The following NBAS variants were observed in gnomAD, a reference collection of about 807,000 sequenced individuals.
NBAS encodes NAG/BC035112 fusion.
A neutral mutation model predicts 302.5 loss-of-function variants in NBAS; 219 were observed. The ratio of observed to expected loss-of-function variants is 0.72; its 90% confidence interval spans 0.65 to 0.81. The LOEUF (loss-of-function observed/expected upper bound fraction) is 0.81. Ranked by LOEUF, NBAS falls within the 30% of genes least tolerant of loss-of-function variation. The pLI is 0.00. For synonymous variants in NBAS, 1,118 were observed against 1,021.6 expected (o/e 1.09, Z -1.80); for missense variants, 2,932 against 2,841.6 (o/e 1.03, Z -0.72).
the NBAS span, among the ~76,000 whole-genome samples, chr2:14,853,913 G>A: frequency 8.7e-6 from 1 of 114,944 alleles, no homozygotes; most frequent in African/African-American, 3.4e-5. Flanking sequence ...CACACTCTGG[G>A]GACTGTGGTG....
chr2:14,927,158 C>A, the NBAS span, among the ~76,000 whole-genome samples: 2 of 152,232 alleles, frequency 1.3e-5, no homozygotes, highest in Non-Finnish European at 2.9e-5. Flanking sequence ...TGGACAGCAA[C>A]CCTTTCCTGA....
At chr2:15,103,094 G>A in the NBAS span, among the ~76,000 whole-genome samples, 1 of 151,988 alleles carries the variant, frequency 6.6e-6, no homozygotes, top group Non-Finnish European at 1.5e-5. Context: ...TGCCTATCCA[G>A]CCAGTTAAGA....
intron 40 of NBAS, among the ~76,000 whole-genome samples, chr2:15,300,413 T>C (rs1670745796): frequency 6.6e-6 from 1 of 152,238 alleles, no homozygotes; most frequent in Non-Finnish European, 1.5e-5. Context: ...GCAGTGCTGT[T>C]TTATGCAGAG....
In NBAS at chr2:15,519,165, T is replaced by C. The variant is rs1229025195; in HGVS notation, c.747-7815A>G. Among the ~76,000 whole-genome samples, 4 of 152,312 alleles carry C rather than the reference T, an allele frequency of 2.6e-5. No individual in the cohort carries two copies. In the East Asian group the frequency reaches 7.7e-4, roughly 29 times the overall value. On this transcript the variant is annotated intron_variant, in intron 9 of 51. Coordinates refer to ENST00000281513, the MANE Select transcript of NBAS (RefSeq NM_015909.4). ...GAGACATTCCTTTCACCCATTAACA[T>C]TTACTAAACTGCATATAACCAATAA...
intron 21 of NBAS, among the ~76,000 whole-genome samples, chr2:15,439,513 A>T (rs1047819229): frequency 4.6e-5 from 7 of 152,094 alleles, no homozygotes; most frequent in African/African-American, 2.4e-5. Context: ...GGAGGAGCCA[A>T]GATGGCTGAA....
At chr2:15,166,435 A>G (rs775756797), downstream of NBAS, among the ~76,000 whole-genome samples, 5 of 152,192 alleles carry the variant, frequency 3.3e-5, no homozygotes, top group Non-Finnish European at 5.9e-5. Flanking sequence ...GTCATAATTC[A>G]TATACTGTGA....
At position 15,374,621 on chromosome 2, in the gene NBAS, G is replaced by GATCTTTA. The variant is rs867909116; in HGVS notation, c.3683_3689dup (p.Leu1231LysfsTer12). The GATCTTTA allele has an allele frequency of 1.9e-6, 3 of 1,613,430 alleles. No individual in the cohort carries two copies. In the African/African-American group the frequency reaches 4.0e-5, roughly 22 times the overall value. ...TAGAAAACTCACCTTGCAAAGGCAG[G>GATCTTTA]ATCTTTACCCCAAATTCTTCAAGAC... On this transcript the variant is annotated frameshift_variant, in exon 31 of 52. Transcript: ENST00000281513. LOFTEE classifies it high-confidence loss of function.
At chr2:15,530,274 G>A (rs931953049) in intron 9 of NBAS, among the ~76,000 whole-genome samples, 1 of 151,668 alleles carries the variant, frequency 6.6e-6, no homozygotes, top group Non-Finnish European at 1.5e-5. Flanking sequence ...AACACCCTGG[G>A]GCTCACTAAA....
chr2:14,850,161 A>T, the NBAS span, among the ~76,000 whole-genome samples: 1 of 135,010 alleles, frequency 7.4e-6, no homozygotes, highest in Non-Finnish European at 1.5e-5. Context: ...AAGACCCATC[A>T]GTGTGCTGTA....
In NBAS at chr2:15,417,640, T is replaced by G. The variant is rs574433313; in HGVS notation, c.2650A>C (p.Asn884His). ...NIPGLLVLCD[N>H]LVTLETLVYE... ...ACCAATGTTTCCAGAGTAACCAAAT[T>G]GTCACAGAGAACCAGCAAACCAGGA... Residue 884 changes from asparagine (N) to histidine (H), a missense_variant, in exon 24 of 52, where the codon AAT (asparagine) becomes CAT (histidine). Coordinates refer to ENST00000281513, the MANE Select transcript of NBAS (RefSeq NM_015909.4). 1 of 1,613,974 alleles carries G rather than the reference T, an allele frequency of 6.2e-7. No homozygotes were observed. Among genetic ancestry groups the G allele is most frequent in the Non-Finnish European group, 8.5e-7 (1 of 1,179,956 alleles).
At chr2:15,543,028 G>A (rs536113149) in intron 6 of NBAS, among the ~76,000 whole-genome samples, 18 of 152,298 alleles carry the variant, frequency 1.2e-4, no homozygotes, top group Non-Finnish European at 1.3e-4. Flanking sequence ...CCAGTTGCTC[G>A]TGTGGCTTGG....
chr2:15,073,491 A>T, the NBAS span, among the ~76,000 whole-genome samples: 11 of 144,564 alleles, frequency 7.6e-5, no homozygotes, highest in Non-Finnish European at 1.2e-4. Context: ...AAAAAAAAAA[A>T]TAAAAAATAA....
chr2:14,940,310 G>A, the NBAS span, among the ~76,000 whole-genome samples: 4 of 152,142 alleles, frequency 2.6e-5, no homozygotes, highest in African/African-American at 9.7e-5. Context: ...GAGTTCTCAT[G>A]AGATCTGTTT....
chr2:15,016,191 A>G, the NBAS span, among the ~76,000 whole-genome samples: 35 of 152,166 alleles, frequency 2.3e-4, no homozygotes, highest in African/African-American at 8.0e-4. Flanking sequence ...TGAAAGTCAC[A>G]TCTTACATGG....
intron 11 of NBAS, among the ~76,000 whole-genome samples, chr2:15,493,052 T>C (rs192761900): frequency 9.3e-4 from 141 of 152,310 alleles, no homozygotes; most frequent in African/African-American, 3.2e-3. Flanking sequence ...ATTTTCCCCA[T>C]GCTGTTCTCA....
chr2:14,950,560 TA>T, the NBAS span, among the ~76,000 whole-genome samples: 5 of 152,136 alleles, frequency 3.3e-5, no homozygotes, highest in African/African-American at 1.2e-4. Context: ...AAGAATGTTT[TA>T]AAAAACAAGA....
chr2:15,010,627 T>C, the NBAS span, among the ~76,000 whole-genome samples: 1 of 152,220 alleles, frequency 6.6e-6, no homozygotes, highest in Non-Finnish European at 1.5e-5. Flanking sequence ...AGTAACCATG[T>C]GAATCCCCAG....
At chr2:14,931,804 T>G in the NBAS span, among the ~76,000 whole-genome samples, 14 of 152,220 alleles carry the variant, frequency 9.2e-5, no homozygotes, top group African/African-American at 3.4e-4. Flanking sequence ...CCCTGACCCT[T>G]CCTTATACTC....
At position 15,344,127 on chromosome 2, in the gene NBAS, GA is replaced by G. The variant is rs79591315; in HGVS notation, c.4179+7864del. Among the ~76,000 whole-genome samples, 1,475 of 149,052 alleles carry G rather than the reference GA, an allele frequency of 9.9e-3. 23 individuals are homozygous for G. The highest frequency in any genetic ancestry group is 0.06 in the East Asian group (305 of 5,056). ...AAGAATAGCCAGCCAATAAGCACAT[GA>G]AAAAAAAAGAGTTCATCATCATTAG... On this transcript the variant is annotated intron_variant, in intron 35 of 51. Coordinates refer to ENST00000281513, the MANE Select transcript of NBAS (RefSeq NM_015909.4).
Sources: gnomAD v4.1 joint callset for allele counts (sites outside exome capture counted in the v4.1 genomes callset) on GRCh38, gnomAD v4.1.1 for gene constraint, MANE v1.5 for transcripts, NCBI Gene and HGNC (gene_info 2026-07-23, HGNC 2026-07-21) for gene names.